METTL24: variants seen among roughly 807,000 people sequenced by gnomAD.
The protein encoded by METTL24 is probable methyltransferase-like protein 24.
METTL24 carries 29 observed loss-of-function variants against 32.7 expected under a neutral mutation model. That is an observed-to-expected ratio of 0.89 (90% CI 0.66 to 1.21). METTL24 has a LOEUF of 1.21. Ranked by LOEUF, METTL24 falls within the 50% of genes most tolerant of loss-of-function variation. The probability of loss-of-function intolerance (pLI) is 0.00; values close to 1 mark genes in which losing one functional copy is unlikely to be tolerated. For missense variants in METTL24, 439 were observed against 468.1 expected (o/e 0.94, Z 0.57); for synonymous variants, 163 against 179.5 (o/e 0.91, Z 0.73).
intron 4 of METTL24, among the ~76,000 whole-genome samples, chr6:110,298,670 C>T (rs1771464134): frequency 1.3e-5 from 2 of 152,098 alleles, no homozygotes. Flanking sequence ...TCTTAGTCTT[C>T]TTGCCTAGTC....
intron 2 of METTL24, among the ~76,000 whole-genome samples, chr6:110,321,224 G>T (rs1375201316): frequency 1.3e-5 from 2 of 152,104 alleles, no homozygotes; most frequent in Non-Finnish European, 2.9e-5. Flanking sequence ...GTAACAGAGG[G>T]AGACTCTGTC....
intron 4 of METTL24, among the ~76,000 whole-genome samples, chr6:110,271,698 G>T (rs536993006): frequency 2.0e-5 from 3 of 152,028 alleles, no homozygotes; most frequent in Admixed American, 2.0e-4. Context: ...GTTATCTATG[G>T]GGTGATTTCC....
chr6:110,282,521 G>T (rs1267995157), intron 4 of METTL24, among the ~76,000 whole-genome samples: 1 of 152,050 alleles, frequency 6.6e-6, no homozygotes, highest in East Asian at 1.9e-4. Context: ...GTGGCTCAAA[G>T]AACTTAATTT....
At chr6:110,320,903 T>C (rs952209276) in intron 2 of METTL24, among the ~76,000 whole-genome samples, 4 of 151,954 alleles carry the variant, frequency 2.6e-5, no homozygotes, top group Non-Finnish European at 5.9e-5. Context: ...CAAAGTGAAG[T>C]ACCCAGGTTT....
At chr6:110,286,449 G>A (rs551256227) in intron 4 of METTL24, among the ~76,000 whole-genome samples, 46 of 152,238 alleles carry the variant, frequency 3.0e-4, no homozygotes, top group Admixed American at 6.5e-4. Flanking sequence ...CTCCCTTTGT[G>A]GTGGAATTCT....
At chr6:110,258,789 TACACACACACACAC>T (rs146964745) in intron 4 of METTL24, among the ~76,000 whole-genome samples, 11 of 145,894 alleles carry the variant, frequency 7.5e-5, no homozygotes, top group East Asian at 6.0e-4. Flanking sequence ...TAGATGCATT[TACACACACACACAC>T]ACACACACAC....
At chr6:110,333,519 TCTCGGCTCACTACAAC>T (rs1772149072) in intron 1 of METTL24, among the ~76,000 whole-genome samples, 1 of 152,210 alleles carries the variant, frequency 6.6e-6, no homozygotes, top group South Asian at 2.1e-4. Context: ...AGTGACATGA[TCTCGGCTCACTACAAC>T]CTCTGCCTCC....
At chr6:110,296,911 T>C (rs1275958352) in intron 4 of METTL24, among the ~76,000 whole-genome samples, 1 of 152,166 alleles carries the variant, frequency 6.6e-6, no homozygotes, top group Non-Finnish European at 1.5e-5. Flanking sequence ...AAGGTTTCCA[T>C]TTATCTAGCC....
chr6:110,310,114 C>T (rs962921083), intron 3 of METTL24, among the ~76,000 whole-genome samples: 2 of 152,100 alleles, frequency 1.3e-5, no homozygotes, highest in African/African-American at 4.8e-5. Context: ...TTGGCTCTTT[C>T]ATTCTTCTGG....
rs143130150 is a variant in METTL24, at chr6:110,323,702, G to A, written c.319-830C>T. 3.4e-4 allele frequency among the ~76,000 whole-genome samples: 51 copies of A among 152,200 alleles called. 1 individual carries two copies. In the East Asian group the frequency reaches 9.7e-3, roughly 29 times the overall value. ...GTCAACACCAAGAGACCTCCAGGAG[G>A]TTTGCTGCAATTCCCAGGGGTGGGG... On this transcript the variant is annotated intron_variant, in intron 1 of 4. Coordinates refer to ENST00000338882, the MANE Select transcript of METTL24 (RefSeq NM_001123364.3).
chr6:110,323,061 G>A (rs1394441830), intron 1 of METTL24, among the ~76,000 whole-genome samples, 189 bp from the exon 2 acceptor site: 1 of 152,186 alleles, frequency 6.6e-6, no homozygotes, highest in Admixed American at 6.5e-5. Flanking sequence ...GGAGACAAAT[G>A]AGGCCGGAGA....
At chr6:110,282,419 A>G (rs1296778415) in intron 4 of METTL24, among the ~76,000 whole-genome samples, 1 of 152,112 alleles carries the variant, frequency 6.6e-6, no homozygotes, top group East Asian at 1.9e-4. Context: ...CAGCCACTGT[A>G]CTAGTTTTTT....
intron 4 of METTL24, among the ~76,000 whole-genome samples, chr6:110,286,495 G>T (rs1771223200): frequency 6.6e-6 from 1 of 152,158 alleles, no homozygotes; most frequent in Non-Finnish European, 1.5e-5. Flanking sequence ...GTTTTGGTTT[G>T]TTGTCCAGCG....
Position 110,245,106 on chromosome 6 carries a change from G to A in METTL24, c.*840C>T, listed in dbSNP as rs1778128422. 6.6e-6 allele frequency among the ~76,000 whole-genome samples: 1 copy of A among 152,156 alleles called. No homozygotes were observed. Among genetic ancestry groups the A allele is most frequent in the Admixed American group, 6.5e-5 (1 of 15,274 alleles). On this transcript the variant is annotated 3_prime_UTR_variant, in exon 5 of 5. Coordinates refer to ENST00000338882, the MANE Select transcript of METTL24 (RefSeq NM_001123364.3). ...TCTTTAGTTAAACATTATTCTAGGT[G>A]TATCTGTAAGGATATTTCCAGATGA...
At chr6:110,354,875 G>A (rs1467927087) in intron 1 of METTL24, among the ~76,000 whole-genome samples, 2 of 152,092 alleles carry the variant, frequency 1.3e-5, no homozygotes, top group Non-Finnish European at 2.9e-5. Flanking sequence ...CTAGCGAGAA[G>A]GAAATCTAAG....
At chr6:110,250,395 C>T (rs1178204313) in intron 4 of METTL24, among the ~76,000 whole-genome samples, 2 of 151,950 alleles carry the variant, frequency 1.3e-5, no homozygotes, top group African/African-American at 4.8e-5. Context: ...TTTATAAGGA[C>T]ATCAGTCAGA....
rs937951743 is a variant in METTL24, at chr6:110,245,640, G to A, written c.*306C>T. On this transcript the variant is annotated 3_prime_UTR_variant, in exon 5 of 5. Coordinates refer to ENST00000338882, the MANE Select transcript of METTL24 (RefSeq NM_001123364.3). Reference sequence around the variant, plus strand: ...TTTATATAATTTCATTTCAATGTTGGTGAATTCATAGATTATAGATACATA... The same window carrying A: ...TTTATATAATTTCATTTCAATGTTGATGAATTCATAGATTATAGATACATA... Among the ~76,000 whole-genome samples the A allele has an allele frequency of 6.6e-6, 1 of 152,162 alleles. No individual in the cohort carries two copies. Among genetic ancestry groups the A allele is most frequent in the African/African-American group, 2.4e-5 (1 of 41,418 alleles).
At chr6:110,247,208 TCC>T (rs991220743) in intron 4 of METTL24, among the ~76,000 whole-genome samples, 8 of 152,200 alleles carry the variant, frequency 5.3e-5, no homozygotes, top group African/African-American at 1.9e-4. Flanking sequence ...CCTTGCAATA[TCC>T]ATTTAATCCT....
rs180964226 is a variant in METTL24, at chr6:110,286,054, T to G, written c.786+12868A>C. On this transcript the variant is annotated intron_variant, in intron 4 of 4. Transcript: ENST00000338882. ...AAAATTCCTTGCTCCTTTCTCTCACTAACACGTGCTCGTTTGCTTCCACAA... is the reference window on the plus strand; with the variant it reads ...AAAATTCCTTGCTCCTTTCTCTCACGAACACGTGCTCGTTTGCTTCCACAA... Among the ~76,000 whole-genome samples the G allele has an allele frequency of 1.0e-3, 155 of 152,304 alleles. 1 individual carries two copies. The highest frequency in any genetic ancestry group is 3.7e-3 in the African/African-American group (153 of 41,576).
Sources: allele counts gnomAD v4.1 joint callset (sites outside exome capture counted in the v4.1 genomes callset), GRCh38; gene constraint gnomAD v4.1.1; transcripts MANE v1.5; gene names NCBI Gene and HGNC (gene_info 2026-07-23, HGNC 2026-07-21).